JADE2: variants seen among roughly 807,000 people sequenced by gnomAD.
JADE2 encodes jade family PHD finger 2, also known as E3 ubiquitin-protein ligase Jade-2.
In JADE2, 13 loss-of-function variants were observed where a neutral mutation model predicts 85.7. The observed-to-expected ratio is 0.15, with a 90% CI of 0.10 to 0.24. The LOEUF (loss-of-function observed/expected upper bound fraction) is 0.24, where lower values mean the gene tolerates loss of function less well. Ranked by LOEUF, JADE2 falls within the 10% of genes least tolerant of loss-of-function variation. The pLI is 1.00. For missense variants in JADE2, 846 were observed against 1,115.9 expected (o/e 0.76, Z 3.45); for synonymous variants, 440 against 456.1 (o/e 0.96, Z 0.45).
intron 3 of JADE2, among the ~76,000 whole-genome samples, chr5:134,548,866 G>T (rs193219552): frequency 6.6e-6 from 1 of 152,164 alleles, no homozygotes; most frequent in Non-Finnish European, 1.5e-5. Context: ...GCTCAGAGGC[G>T]CTTGTTCAGG....
At chr5:134,574,539 G>A (rs1394049834) in intron 10 of JADE2, 1 of 152,376 alleles carries the variant, frequency 6.6e-6, no homozygotes, top group Non-Finnish European at 1.5e-5. Context: ...GGCTGAGCTG[G>A]GCCTGGAGAG....
chr5:134,563,233 A>G (rs1763434464), intron 7 of JADE2, among the ~76,000 whole-genome samples: 1 of 151,738 alleles, frequency 6.6e-6, no homozygotes, highest in African/African-American at 2.4e-5. Flanking sequence ...CACGAGAATC[A>G]CTTGAACCCG....
In JADE2 at chr5:134,566,350, G is replaced by A. The variant is rs1287241048; in HGVS notation, c.1204G>A (p.Glu402Lys). 6.2e-7 allele frequency: 1 copy of A among 1,614,046 alleles called. No homozygotes were observed. The highest frequency in any genetic ancestry group is 2.2e-5 in the East Asian group (1 of 44,870). Residue 402 changes from glutamate (E) to lysine (K), a missense_variant, in exon 9 of 12, where the codon GAG (glutamate) becomes AAG (lysine). Physicochemically the swap from Glu to Lys is moderately conservative, Grantham distance 56. This residue lies in a region of JADE2 where 88 missense variants were observed against 140.6 expected (regional missense o/e 0.63). Coordinates refer to ENST00000681547, the MANE Select transcript of JADE2 (RefSeq NM_001388185.1). The surrounding 1 kb of genome is among the most constrained non-coding windows in gnomAD (Gnocchi z 6.7). ...LRKQRLQQLE[E>K]DFYELVEPAE... Reference sequence around the variant, plus strand: ...CAAGCAGCGGCTGCAGCAGCTAGAGGAGGACTTCTACGAGCTGGTGGAGCC... The same window carrying A: ...CAAGCAGCGGCTGCAGCAGCTAGAGAAGGACTTCTACGAGCTGGTGGAGCC...
At position 134,550,565 on chromosome 5, in the gene JADE2, G is replaced by A. The variant is rs138364502; in HGVS notation, c.154-1487G>A. On this transcript the variant is annotated intron_variant, in intron 3 of 11. Transcript: ENST00000681547. ...CCTTGAAGTGGTTTCTCTTGTCTCA[G>A]TGATGTGAGTTCTTCTTTAACTTGT... Among the ~76,000 whole-genome samples, 867 of 152,326 alleles carry A rather than the reference G, an allele frequency of 5.7e-3. 9 individuals are homozygous for A. The highest frequency in any genetic ancestry group is 0.019 in the African/African-American group (808 of 41,562).
Position 134,557,280 on chromosome 5 carries a change from ATT to A in JADE2, c.312-2538_312-2537del, listed in dbSNP as rs60115543. Among the ~76,000 whole-genome samples, 1,026 of 130,694 alleles carry A rather than the reference ATT, an allele frequency of 7.9e-3. 9 individuals carry two copies. Among genetic ancestry groups the A allele is most frequent in the African/African-American group, 0.022 (749 of 33,966 alleles). The allele number at this position is 130,694 out of a possible 152,430, so 85.7% of individuals were successfully genotyped here. A position where few individuals can be genotyped will look rare whatever the true frequency, so the allele number is the denominator to read the frequency against. On this transcript the variant is annotated intron_variant, in intron 4 of 11. Transcript: ENST00000681547. ...CTTTTATTTTTTTATTTTTTTTTTT[ATT>A]TTTTTTTTTTTCAGACAGAACCCAT...
Position 134,579,478 on chromosome 5 carries a change from C to G in JADE2, c.*161C>G. The G allele has an allele frequency of 1.6e-6, 1 of 618,744 alleles. No homozygotes were observed. Among genetic ancestry groups the G allele is most frequent in the East Asian group, 2.8e-5 (1 of 36,338 alleles). The allele number at this position is 618,744 out of a possible 1,614,324, so 38.3% of individuals were successfully genotyped here. ...TATAGAGAGAGTTTTGAATTCTACA[C>G]TGTTGTCTTTCCTCTGTGCTGGCCT... On this transcript the variant is annotated 3_prime_UTR_variant, in exon 12 of 12. Transcript: ENST00000681547. The surrounding 1 kb of genome is among the most constrained non-coding windows in gnomAD (Gnocchi z 4.6).
intron 4 of JADE2, among the ~76,000 whole-genome samples, chr5:134,556,434 A>C (rs190789818): frequency 1.0e-3 from 146 of 145,736 alleles, no homozygotes; most frequent in African/African-American, 3.3e-3. Flanking sequence ...ACATCACACA[A>C]CACACACACA....
In JADE2 at chr5:134,566,393, G is replaced by A. The variant is rs976598787; in HGVS notation, c.1247G>A (p.Arg416Gln). The A allele has an allele frequency of 3.1e-6, 5 of 1,613,968 alleles. No homozygotes were observed. Among genetic ancestry groups the A allele is most frequent in the South Asian group, 1.1e-5 (1 of 91,080 alleles). Residue 416 changes from arginine to glutamine, a missense_variant, in exon 9 of 12, where the codon CGG becomes CAG. Transcript: ENST00000681547. This position sits in a 1 kb window ranked among gnomAD's most constrained non-coding sequence, Gnocchi z 6.7. ...GTGGAGCCGGCTGAGGTGGCTGAGCGGCTGGACCTGGCTGAGGCACTGGTC... is the reference window on the plus strand; with the variant it reads ...GTGGAGCCGGCTGAGGTGGCTGAGCAGCTGGACCTGGCTGAGGCACTGGTC... ...ELVEPAEVAERLDLAEALVDF... is the reference protein window; with the variant it reads ...ELVEPAEVAEQLDLAEALVDF...
At chr5:134,571,587 C>T (rs560463750) in intron 9 of JADE2, among the ~76,000 whole-genome samples, 3 of 152,186 alleles carry the variant, frequency 2.0e-5, no homozygotes, top group Non-Finnish European at 4.4e-5. Context: ...ATCCCAGCTA[C>T]GTGGGAGGCT....
At position 134,578,429 on chromosome 5, in the gene JADE2, T is replaced by C. The variant is rs1764517982; in HGVS notation, c.1682-65T>C. ...CCTGGTGGTGTGCTGGGAGCGTCAG[T>C]GGGCTTCCTGAAAGGGTGGGACACA... On this transcript the variant is annotated intron_variant, in intron 11 of 11. Coordinates refer to ENST00000681547, the MANE Select transcript of JADE2 (RefSeq NM_001388185.1). This position sits in a 1 kb window ranked among gnomAD's most constrained non-coding sequence, Gnocchi z 4.4. 1.6e-6 allele frequency: 2 copies of C among 1,249,862 alleles called. No homozygotes were observed. The highest frequency in any genetic ancestry group is 4.3e-5 in the Admixed American group (2 of 46,108). 77.4% of individuals were successfully genotyped at this position (1,249,862 alleles called of 1,614,324 possible).
At chr5:134,560,722 C>T in intron 5 of JADE2, 24 bp from the exon 6 acceptor site, 1 of 1,603,218 alleles carries the variant, frequency 6.2e-7, no homozygotes, top group Non-Finnish European at 8.5e-7. Context: ...CTAACACCAC[C>T]ATGCCCTGCT....
At chr5:134,569,317 G>C (rs576417703) in intron 9 of JADE2, among the ~76,000 whole-genome samples, 7 of 152,326 alleles carry the variant, frequency 4.6e-5, no homozygotes, top group African/African-American at 1.7e-4. Flanking sequence ...CTCCCAGATT[G>C]ATTCGTTCCT....
chr5:134,580,783 A>G lies in JADE2; in HGVS notation c.*1466A>G, dbSNP rs1189754934. ...ATGGAGTTCTTTAGCAACAAAGTAT[A>G]GAAACATGTTCATTGCACACACCCA... On this transcript the variant is annotated 3_prime_UTR_variant, in exon 12 of 12. Transcript: ENST00000681547. 1 of 152,570 alleles carries G rather than the reference A, an allele frequency of 6.6e-6. No individual in the cohort carries two copies. The highest frequency in any genetic ancestry group is 2.4e-5 in the African/African-American group (1 of 41,422). The allele number at this position is 152,570 out of a possible 1,614,324, so 9.5% of individuals were successfully genotyped here. A position where few individuals can be genotyped will look rare whatever the true frequency, so the allele number is the denominator to read the frequency against.
At chr5:134,551,840 A>G (rs1464283635) in intron 3 of JADE2, among the ~76,000 whole-genome samples, 1 of 152,208 alleles carries the variant, frequency 6.6e-6, no homozygotes, top group African/African-American at 2.4e-5. Context: ...AATTCAGTTA[A>G]TCACATTTAT....
At position 134,566,604 on chromosome 5, in the gene JADE2, A is replaced by C. The variant is rs771800158; in HGVS notation, c.1434+24A>C. ...GGGTGAGTCCCCATGCCGCCTGCCCACCCCCTGCCTGGTGGGTCCAGGAGT... is the reference window on the plus strand; with the variant it reads ...GGGTGAGTCCCCATGCCGCCTGCCCCCCCCCTGCCTGGTGGGTCCAGGAGT... On this transcript the variant is annotated intron_variant, in intron 9 of 11. Transcript: ENST00000681547. The surrounding 1 kb of genome is among the most constrained non-coding windows in gnomAD (Gnocchi z 6.7). 1 of 1,503,396 alleles carries C rather than the reference A, an allele frequency of 6.7e-7. No individual in the cohort carries two copies. The allele number at this position is 1,503,396 out of a possible 1,614,324, so 93.1% of individuals were successfully genotyped here. A position where few individuals can be genotyped will look rare whatever the true frequency, so the allele number is the denominator to read the frequency against.
intron 4 of JADE2, 107 bp downstream of exon 4, chr5:134,552,316 C>T (rs1762641370): frequency 1.0e-6 from 1 of 969,624 alleles, no homozygotes; most frequent in Non-Finnish European, 1.5e-6. Flanking sequence ...TCTAGTCCAT[C>T]TCTATTCTGT....
chr5:134,557,081 CACAA>C (rs1762997805), intron 4 of JADE2, among the ~76,000 whole-genome samples: 2 of 126,608 alleles, frequency 1.6e-5, no homozygotes, highest in Non-Finnish European at 1.7e-5. Flanking sequence ...ACACACACCA[CACAA>C]ACACACACAC....
intron 3 of JADE2, among the ~76,000 whole-genome samples, chr5:134,544,806 A>G (rs1176980948): frequency 6.6e-6 from 1 of 151,574 alleles, no homozygotes; most frequent in Non-Finnish European, 1.5e-5. Flanking sequence ...ATGGAGTGCC[A>G]CCCCCCACTC....
At chr5:134,538,117 G>T in intron 3 of JADE2, 34 bp downstream of exon 3, 1 of 1,537,492 alleles carries the variant, frequency 6.5e-7, no homozygotes, top group African/African-American at 1.4e-5. Flanking sequence ...AGATCTGTGG[G>T]GAGTGAGAGT....
Sources: gnomAD v4.1 joint callset for allele counts (sites outside exome capture counted in the v4.1 genomes callset) on GRCh38, gnomAD v4.1.1 for gene constraint, gnomAD v4.1.1 regional missense constraint, Gnocchi (gnomAD v3.1) non-coding constraint, MANE v1.5 for transcripts, NCBI Gene and HGNC (gene_info 2026-07-23, HGNC 2026-07-21) for gene names.